Variants in DNAH10 observed in about 807,000 individuals in gnomAD.
DNAH10 encodes the protein dynein axonemal heavy chain 10, also known as axonemal beta dynein heavy chain 10.
In DNAH10, 348 loss-of-function variants were observed where a neutral mutation model predicts 506.6. The ratio of observed to expected loss-of-function variants is 0.69; its 90% CI spans 0.63 to 0.75. DNAH10 has a LOEUF of 0.75. Among genes scored for constraint, DNAH10 ranks in the 30% least tolerant of loss-of-function variants. DNAH10 has a pLI of 0.00. For synonymous variants in DNAH10, 2,059 were observed against 2,198.6 expected (o/e 0.94, Z 1.78); for missense variants, 5,179 against 5,787.1 (o/e 0.89, Z 3.41).
chr12:123,913,803 C>A lies in DNAH10; in HGVS notation c.10352+488C>A, dbSNP rs1193974633. ...ACAGCTTATTCACCAAATAGGGCAA[C>A]AATTTTGAATCTAGCATCTGTAAGT... On this transcript the variant is annotated intron_variant, in intron 60 of 78. Transcript: ENST00000673944. This position sits in a 1 kb window ranked among gnomAD's most constrained non-coding sequence, Gnocchi z 5.1. Among the ~76,000 whole-genome samples, 2 of 152,182 alleles carry A rather than the reference C, an allele frequency of 1.3e-5. No homozygotes were observed. Among genetic ancestry groups the A allele is most frequent in the African/African-American group, 4.8e-5 (2 of 41,424 alleles).
Position 123,914,429 on chromosome 12 carries a change from T to C in DNAH10, c.10453T>C (p.Trp3485Arg). Residue 3485 changes from tryptophan to arginine, a missense_variant, in exon 61 of 79, where the codon TGG (tryptophan) becomes CGG (arginine). Around this residue, in one of 3 missense-constraint regions of DNAH10, gnomAD observed 4,844 missense variants for 5,430.5 expected, o/e 0.89. Transcript: ENST00000673944. ...CCTCAGCTACGAGGGAGCCTTCACC[T>C]GGGAGTTCCGTGACGAGATGGTCAA... is the stretch of plus-strand genomic sequence containing the variant. ...AFLSYEGAFTWEFRDEMVNRI... is the reference protein window; with the variant it reads ...AFLSYEGAFTREFRDEMVNRI... 3.7e-6 allele frequency: 6 copies of C among 1,613,742 alleles called. No homozygotes were observed. Among genetic ancestry groups the C allele is most frequent in the Non-Finnish European group, 4.2e-6 (5 of 1,179,892 alleles).
Position 123,902,941 on chromosome 12 carries a change from G to A in DNAH10, c.9643G>A (p.Glu3215Lys), listed in dbSNP as rs746451165. 84 of 1,582,080 alleles carry A rather than the reference G, an allele frequency of 5.3e-5. 1 individual carries two copies. The Middle Eastern group carries it at 6.6e-4, about 12-fold the overall frequency. The change falls in exon 57 of 79, where the codon GAG becomes AAG. Residue 3215 changes from glutamate (E) to lysine (K), a missense_variant and splice_region_variant. Transcript: ENST00000673944. The surrounding 1 kb of genome is among the most constrained non-coding windows in gnomAD (Gnocchi z 4.5). ...EEIAVNTAVA[E>K]EKKKLAEEKA... is the part of the protein sequence containing the mutation. ...TCACCCCCTGTCCTACCCTGCAGCC[G>A]AGGAGAAGAAGAAACTGGCAGAGGA...
chr12:123,851,222 G>T, intron 35 of DNAH10, 146 bp downstream of exon 35: 1 of 860,304 alleles, frequency 1.2e-6, no homozygotes. Context: ...CTTCCAGATG[G>T]GACCTAGGAT....
chr12:123,916,969 C>T lies in DNAH10; in HGVS notation c.11002+233C>T, dbSNP rs752053213. On this transcript the variant is annotated intron_variant, in intron 63 of 78. Coordinates refer to ENST00000673944, the MANE Select transcript of DNAH10 (RefSeq NM_001372106.1). The surrounding 1 kb of genome is among the most constrained non-coding windows in gnomAD (Gnocchi z 4.6). ...GGGGCCGTGGGCTTATGTGTTCACA[C>T]ATGGGGTGGGATGGGACCTCTGACT... is the stretch of plus-strand genomic sequence containing the variant. Among the ~76,000 whole-genome samples the T allele has an allele frequency of 1.3e-5, 2 of 152,208 alleles. No individual in the cohort carries two copies. The highest frequency in any genetic ancestry group is 2.4e-5 in the African/African-American group (1 of 41,454).
chr12:123,791,673 C>T (rs994483969), intron 11 of DNAH10, among the ~76,000 whole-genome samples: 2 of 152,058 alleles, frequency 1.3e-5, no homozygotes, highest in Non-Finnish European at 2.9e-5. Flanking sequence ...ACCTTCTGGG[C>T]TCAAGTGATC....
chr12:123,841,551 G>C lies in DNAH10; in HGVS notation c.5360+6G>C. 1 of 1,612,528 alleles carries C rather than the reference G, an allele frequency of 6.2e-7. No individual in the cohort carries two copies. Among genetic ancestry groups the C allele is most frequent in the Non-Finnish European group, 8.5e-7 (1 of 1,178,920 alleles). On this transcript the variant is annotated splice_donor_region_variant and intron_variant, in intron 30 of 78. Coordinates refer to ENST00000673944, the MANE Select transcript of DNAH10 (RefSeq NM_001372106.1). ...TACTGTGAAGACAGAAGCAGGTAAG[G>C]CTGCGAATGTGGACATGCATTGCTC... is the stretch of plus-strand genomic sequence containing the variant.
In DNAH10 at chr12:123,873,617, A is replaced by G; in HGVS notation, c.7845A>G (p.Leu2615=). The change falls in exon 46 of 79, where the codon TTA becomes TTG. Residue 2615 remains leucine (L), a synonymous_variant. Coordinates refer to ENST00000673944, the MANE Select transcript of DNAH10 (RefSeq NM_001372106.1). The part of the protein sequence containing the change: ...RTTSMDIQRN[L]EANVEKRTKD... ...CGTCCATGGATATCCAAAGAAATTT[A>G]GAAGCAAATGTGGAAAAGCGAACCA... 6.2e-7 allele frequency: 1 copy of G among 1,613,978 alleles called. No homozygotes were observed. Among genetic ancestry groups the G allele is most frequent in the South Asian group, 1.1e-5 (1 of 91,070 alleles).
chr12:123,843,177 G>A (rs1177726766), intron 30 of DNAH10, among the ~76,000 whole-genome samples: 1 of 152,200 alleles, frequency 6.6e-6, no homozygotes, highest in African/African-American at 2.4e-5. Context: ...TCATCCAGAT[G>A]CTCCTTTGAG....
intron 21 of DNAH10, 39 bp downstream of exon 21, chr12:123,813,951 G>T (rs748674424): frequency 6.5e-7 from 1 of 1,535,266 alleles, no homozygotes; most frequent in Non-Finnish European, 8.7e-7. Context: ...TTAACAATTG[G>T]ATTGACCACT....
chr12:123,833,874 G>A (rs1187444034), intron 27 of DNAH10, among the ~76,000 whole-genome samples: 1 of 152,108 alleles, frequency 6.6e-6, no homozygotes, highest in African/African-American at 2.4e-5. Context: ...CTGTCACACT[G>A]GGAAGTAGCA....
At chr12:123,823,192 C>T (rs554911784) in intron 24 of DNAH10, among the ~76,000 whole-genome samples, 1 of 152,170 alleles carries the variant, frequency 6.6e-6, no homozygotes, top group Non-Finnish European at 1.5e-5. Flanking sequence ...CCAGGCAGAG[C>T]GCTGGGCAGG....
chr12:123,827,014 C>A, intron 25 of DNAH10, 116 bp downstream of exon 25: 2 of 915,308 alleles, frequency 2.2e-6, no homozygotes, highest in Non-Finnish European at 3.2e-6. Context: ...TTCAACAATG[C>A]CGCAGGGCTA....
At chr12:123,802,607 T>C (rs1565921271) in intron 16 of DNAH10, among the ~76,000 whole-genome samples, 1 of 152,022 alleles carries the variant, frequency 6.6e-6, no homozygotes, top group Non-Finnish European at 1.5e-5. Flanking sequence ...CGTGTGGCCT[T>C]TTTTTGTTTT....
chr12:123,843,386 G>A (rs540188505), intron 30 of DNAH10, among the ~76,000 whole-genome samples: 10 of 152,080 alleles, frequency 6.6e-5, no homozygotes, highest in Admixed American at 2.6e-4. Context: ...TAGGTTTGTC[G>A]CGTCCTTTAC....
In DNAH10 at chr12:123,838,592, G is replaced by C. The variant is rs1327262984; in HGVS notation, c.5039G>C (p.Arg1680Thr). Reference protein sequence around the residue: ...KSLNDYLDSKRNAFPRFFFIS... With the variant: ...KSLNDYLDSKTNAFPRFFFIS... ...CTCAACGACTACTTAGATTCGAAGAGAAATGCTTTCCCAAGGTTCTTCTTC... is the reference window on the plus strand; with the variant it reads ...CTCAACGACTACTTAGATTCGAAGACAAATGCTTTCCCAAGGTTCTTCTTC... The change falls in exon 29 of 79, where the codon AGA (arginine) becomes ACA (threonine). Residue 1680 changes from arginine (R) to threonine (T), a missense_variant. Arg to Thr is a moderately conservative substitution (Grantham distance 71, BLOSUM62 -1). Around this residue, in one of 3 missense-constraint regions of DNAH10, gnomAD observed 4,844 missense variants for 5,430.5 expected, o/e 0.89. Transcript: ENST00000673944. 1 of 1,614,060 alleles carries C rather than the reference G, an allele frequency of 6.2e-7. No homozygotes were observed. Among genetic ancestry groups the C allele is most frequent in the Non-Finnish European group, 8.5e-7 (1 of 1,179,910 alleles).
chr12:123,848,125 G>A (rs1198843593), intron 33 of DNAH10, 30 bp downstream of exon 33: 1 of 1,596,050 alleles, frequency 6.3e-7, no homozygotes, highest in East Asian at 2.3e-5. Context: ...TTTGGTACTG[G>A]CTCATTAGGC....
intron 56 of DNAH10, among the ~76,000 whole-genome samples, chr12:123,901,999 A>G (rs1283334254): frequency 6.6e-6 from 1 of 152,162 alleles, no homozygotes; most frequent in Non-Finnish European, 1.5e-5. Flanking sequence ...CTGGAGGCCA[A>G]AGTCTGACAT....
At chr12:123,804,707 G>C in intron 17 of DNAH10, 126 bp from the exon 18 acceptor site, 1 of 803,936 alleles carries the variant, frequency 1.2e-6, no homozygotes, top group Non-Finnish European at 2.1e-6. Context: ...CTTATGTTCT[G>C]CTTTGGGCTG....
intron 18 of DNAH10, 28 bp from the exon 19 acceptor site, chr12:123,808,769 C>CT (rs1167689406): frequency 6.2e-7 from 1 of 1,612,170 alleles, no homozygotes; most frequent in African/African-American, 1.3e-5. Context: ...GAGATACACT[C>CT]TGAGTCTTTC....
Sources: gnomAD v4.1 joint callset for allele counts (sites outside exome capture counted in the v4.1 genomes callset) on GRCh38, gnomAD v4.1.1 for gene constraint, gnomAD v4.1.1 regional missense constraint, Gnocchi (gnomAD v3.1) non-coding constraint, MANE v1.5 for transcripts, NCBI Gene and HGNC (gene_info 2026-07-23, HGNC 2026-07-21) for gene names.